ELAVL4: variants seen among roughly 807,000 people sequenced by gnomAD.
ELAVL4 encodes ELAV-like protein 4.
A neutral mutation model predicts 35.6 loss-of-function variants in ELAVL4; 1 was observed. The ratio of observed to expected loss-of-function variants is 0.03; its 90% CI spans 0.01 to 0.13. The LOEUF (loss-of-function observed/expected upper bound fraction) is 0.13. Among genes scored for constraint, ELAVL4 ranks in the 10% least tolerant of loss-of-function variants. The pLI is 1.00. For synonymous variants in ELAVL4, 156 were observed against 171.0 expected (o/e 0.91, Z 0.69); for missense variants, 267 against 464.9 (o/e 0.57, Z 3.91).
chr1:50,111,194 A>AC (rs1667013762), intron 1 of ELAVL4, among the ~76,000 whole-genome samples: 1 of 148,968 alleles, frequency 6.7e-6, no homozygotes, highest in Non-Finnish European at 1.5e-5. Context: ...TGTTTAAAAA[A>AC]CCCAGAGAGG....
chr1:50,077,496 G>A (rs1205249816), intron 1 of ELAVL4, among the ~76,000 whole-genome samples: 1 of 152,086 alleles, frequency 6.6e-6, no homozygotes, highest in African/African-American at 2.4e-5. Context: ...AATTAGGGAG[G>A]GCAAATGACT....
intron 1 of ELAVL4, among the ~76,000 whole-genome samples, chr1:50,129,937 A>G (rs1670582937): frequency 4.6e-5 from 7 of 152,054 alleles, no homozygotes. Flanking sequence ...TCTCACAGCA[A>G]CCCTGCAAGA....
Position 50,052,235 on chromosome 1 carries a change from T to C in ELAVL4, c.18+4053T>C, listed in dbSNP as rs375385359. 3.9e-5 allele frequency among the ~76,000 whole-genome samples: 6 copies of C among 152,206 alleles called. No individual in the cohort carries two copies. The East Asian group carries it at 7.7e-4, about 20-fold the overall frequency. ...TATGAAACAGGTGAGATTTTAATTCTTGTTTTAGAACAGTTCAATTTGGAT... is the reference window on the plus strand; with the variant it reads ...TATGAAACAGGTGAGATTTTAATTCCTGTTTTAGAACAGTTCAATTTGGAT... On this transcript the variant is annotated intron_variant, in intron 1 of 6. Transcript: ENST00000448907.
intron 2 of ELAVL4, among the ~76,000 whole-genome samples, chr1:50,172,048 G>A (rs1679103752): frequency 6.6e-6 from 1 of 152,184 alleles, no homozygotes; most frequent in Admixed American, 6.6e-5. Context: ...CTTTGTAGAT[G>A]AGGGGAGTAA....
At position 50,192,245 on chromosome 1, in the gene ELAVL4, G is replaced by A. The variant is rs186592860; in HGVS notation, c.355-1520G>A. Among the ~76,000 whole-genome samples, 117 of 152,290 alleles carry A rather than the reference G, an allele frequency of 7.7e-4. No homozygotes were observed. In the Middle Eastern group the frequency reaches 0.01, roughly 13 times the overall value. ...ACTCCATCAGCAGGAGGAGGCCAGGGAGGCAGATTAGTCACTCACATCATT... is the reference window on the plus strand; with the variant it reads ...ACTCCATCAGCAGGAGGAGGCCAGGAAGGCAGATTAGTCACTCACATCATT... On this transcript the variant is annotated intron_variant, in intron 3 of 6. Coordinates refer to ENST00000371824, the MANE Select transcript of ELAVL4 (RefSeq NM_001144774.3).
chr1:50,100,700 C>T (rs1665932683), upstream of ELAVL4, among the ~76,000 whole-genome samples: 2 of 152,178 alleles, frequency 1.3e-5, no homozygotes, highest in East Asian at 3.8e-4. Flanking sequence ...GGGACTATGA[C>T]TTCTATTTCT....
intron 1 of ELAVL4, among the ~76,000 whole-genome samples, chr1:50,144,065 G>A (rs540379558): frequency 4.4e-4 from 67 of 152,036 alleles, no homozygotes; most frequent in Non-Finnish European, 9.0e-4. Flanking sequence ...CTTCTGTATT[G>A]CATGATCACT....
At chr1:50,169,029 A>G (rs1030656391) in intron 2 of ELAVL4, among the ~76,000 whole-genome samples, 2 of 151,596 alleles carry the variant, frequency 1.3e-5, no homozygotes, top group East Asian at 1.9e-4. Context: ...GTTAACTTAC[A>G]TGATCACAGG....
chr1:50,080,253 T>C (rs1664947628), intron 1 of ELAVL4, among the ~76,000 whole-genome samples: 1 of 152,174 alleles, frequency 6.6e-6, no homozygotes, highest in African/African-American at 2.4e-5. Context: ...TGGATAGGCT[T>C]GTAAGGCTCA....
chr1:50,068,632 C>A (rs911471097), intron 1 of ELAVL4, among the ~76,000 whole-genome samples: 4 of 152,076 alleles, frequency 2.6e-5, no homozygotes, highest in Admixed American at 6.6e-5. Flanking sequence ...CATTTCTGAC[C>A]GTCACATGTC....
At chr1:50,129,104 A>T (rs1306099779) in intron 1 of ELAVL4, among the ~76,000 whole-genome samples, 1 of 151,988 alleles carries the variant, frequency 6.6e-6, no homozygotes, top group Admixed American at 6.6e-5. Context: ...ATTATAAAAA[A>T]TTATTTTATT....
chr1:50,107,139 T>A (rs1409714195), upstream of ELAVL4, among the ~76,000 whole-genome samples: 2 of 152,226 alleles, frequency 1.3e-5, no homozygotes, highest in African/African-American at 4.8e-5. Context: ...TCTGTGTATA[T>A]ATGCTGAACC....
At chr1:50,138,235 A>G (rs997045435) in intron 1 of ELAVL4, among the ~76,000 whole-genome samples, 1 of 152,174 alleles carries the variant, frequency 6.6e-6, no homozygotes, top group Non-Finnish European at 1.5e-5. Context: ...GCTAGTCTAC[A>G]CAGAGGTGCT....
chr1:50,118,964 G>GAGGGAA, intron 1 of ELAVL4, among the ~76,000 whole-genome samples: 1 of 109,276 alleles, frequency 9.2e-6, no homozygotes, highest in African/African-American at 4.0e-5. Flanking sequence ...GAGAGAGAGA[G>GAGGGAA]GGAGGGAGGG....
At chr1:50,063,746 G>T (rs1664122700) in intron 1 of ELAVL4, among the ~76,000 whole-genome samples, 1 of 152,032 alleles carries the variant, frequency 6.6e-6, no homozygotes, top group African/African-American at 2.4e-5. Flanking sequence ...TGCGACCCTA[G>T]TAACAGAATT....
intron 1 of ELAVL4, among the ~76,000 whole-genome samples, chr1:50,111,694 T>C (rs1667101364): frequency 6.6e-6 from 1 of 152,190 alleles, no homozygotes; most frequent in African/African-American, 2.4e-5. Context: ...GTCCTGATTC[T>C]GGTCTTGGCA....
At chr1:50,198,579 G>A (rs1361345906) in intron 6 of ELAVL4, among the ~76,000 whole-genome samples, 1 of 152,142 alleles carries the variant, frequency 6.6e-6, no homozygotes, top group Non-Finnish European at 1.5e-5. Flanking sequence ...GGATAACTAT[G>A]AATTATCTCC....
intron 1 of ELAVL4, among the ~76,000 whole-genome samples, chr1:50,127,050 AAAAAGCATTTT>A (rs1262917328): frequency 1.3e-5 from 2 of 152,120 alleles, no homozygotes; most frequent in Non-Finnish European, 2.9e-5. Context: ...ACGCTTAAAA[AAAAAGCATTTT>A]AAAATAAAGA....
intron 3 of ELAVL4, among the ~76,000 whole-genome samples, chr1:50,184,132 C>T (rs1681467977): frequency 6.6e-6 from 1 of 152,174 alleles, no homozygotes; most frequent in Non-Finnish European, 1.5e-5. Context: ...GTGCCCTGTT[C>T]ACTTCCTTTG....
Sources: gnomAD v4.1 joint callset for allele counts (sites outside exome capture counted in the v4.1 genomes callset) on GRCh38, gnomAD v4.1.1 for gene constraint, MANE v1.5 for transcripts, NCBI Gene and HGNC (gene_info 2026-07-23, HGNC 2026-07-21) for gene names.